RABGEF1: variants seen among roughly 807,000 people sequenced by gnomAD.
The protein encoded by RABGEF1 is RAB guanine nucleotide exchange factor 1, also known as rab5 GDP/GTP exchange factor.
In RABGEF1, 26 loss-of-function variants were observed where a neutral mutation model predicts 57.3. That is an observed-to-expected ratio of 0.45 (90% CI 0.33 to 0.63). The LOEUF (loss-of-function observed/expected upper bound fraction) is 0.63, where lower values mean the gene tolerates loss of function less well. Ranked by LOEUF, RABGEF1 falls within the 20% of genes least tolerant of loss-of-function variation. The pLI, the probability that RABGEF1 is intolerant of heterozygous loss-of-function variation, is 0.02. For synonymous variants in RABGEF1, 185 were observed against 210.7 expected (o/e 0.88, Z 1.06); for missense variants, 464 against 607.6 (o/e 0.76, Z 2.48).
Position 66,771,936 on chromosome 7 carries a change from G to C in RABGEF1, c.37G>C (p.Asp13His). 3 of 1,575,760 alleles carry C rather than the reference G, an allele frequency of 1.9e-6. No homozygotes were observed. The highest frequency in any genetic ancestry group is 2.6e-6 in the Non-Finnish European group (3 of 1,161,320). ...GTCTGAACGCCGAGGAATTCATGTG[G>C]ATCAATCGGATCTCCTGTGCAAGAA... ...LKSERRGIHV[D>H]QSDLLCKKGC... Residue 13 changes from aspartate (D) to histidine (H), a missense_variant, in exon 2 of 9, where the codon GAT becomes CAT. Asp to His is a moderately conservative substitution (Grantham distance 81, BLOSUM62 -1). This residue lies in a region of RABGEF1 where 17 missense variants were observed against 19.4 expected (regional missense o/e 0.88). Transcript: ENST00000284957.
intron 4 of RABGEF1, among the ~76,000 whole-genome samples, chr7:66,786,159 C>G (rs1442930128): frequency 6.6e-6 from 1 of 152,154 alleles, no homozygotes; most frequent in Non-Finnish European, 1.5e-5. Context: ...TTCTCCAAGC[C>G]CTGTATATGC....
chr7:66,760,765 G>A (rs1399418802), intron 1 of RABGEF1, among the ~76,000 whole-genome samples: 2 of 109,446 alleles, frequency 1.8e-5, no homozygotes, highest in Non-Finnish European at 4.2e-5. Context: ...TTAACATAAT[G>A]GCTAATACTC....
chr7:66,801,242 T>C (rs1398564316), intron 7 of RABGEF1, among the ~76,000 whole-genome samples: 8 of 152,158 alleles, frequency 5.3e-5, no homozygotes, highest in Admixed American at 5.2e-4. Context: ...TTCTGTTTTG[T>C]TTAATTTTTA....
At chr7:66,785,991 T>C (rs1172707427) in intron 4 of RABGEF1, among the ~76,000 whole-genome samples, 1 of 152,184 alleles carries the variant, frequency 6.6e-6, no homozygotes. Flanking sequence ...CTATGCAATA[T>C]GAAAATCCAT....
chr7:66,690,746 A>G (rs569937081), intron 1 of RABGEF1, among the ~76,000 whole-genome samples: 1 of 151,858 alleles, frequency 6.6e-6, no homozygotes, highest in Non-Finnish European at 1.5e-5. Flanking sequence ...TTAAATTTAC[A>G]AAAAGAGAAA....
At chr7:66,755,226 G>A (rs1290758265) in intron 1 of RABGEF1, among the ~76,000 whole-genome samples, 3 of 152,090 alleles carry the variant, frequency 2.0e-5, no homozygotes, top group African/African-American at 4.8e-5. Flanking sequence ...CTTGGGAGGC[G>A]GAGCTTGCAG....
At chr7:66,752,279 A>G (rs1458934886) in intron 1 of RABGEF1, among the ~76,000 whole-genome samples, 1 of 151,994 alleles carries the variant, frequency 6.6e-6, no homozygotes, top group Non-Finnish European at 1.5e-5. Context: ...GGATCACAAC[A>G]AGGTCAGGAG....
chr7:66,661,103 A>T, the RABGEF1 span, among the ~76,000 whole-genome samples: 1 of 151,948 alleles, frequency 6.6e-6, no homozygotes, highest in South Asian at 2.1e-4. Flanking sequence ...AGGTCAGGAG[A>T]TCGAGACCAC....
rs190294423 is a variant in RABGEF1, at chr7:66,692,707, C to T, written c.-873+10449C>T. On this transcript the variant is annotated intron_variant and NMD_transcript_variant, in intron 1 of 9. Transcript: ENST00000607882. ...ACCCGCCTCCCACCTAAAGCTCCCA[C>T]CCACCCCTCTCTGCAGCCAAGCACT... Among the ~76,000 whole-genome samples the T allele has an allele frequency of 2.7e-4, 41 of 150,784 alleles. No homozygotes were observed. The East Asian group carries it at 6.9e-3, about 25-fold the overall frequency.
chr7:66,797,607 C>A, intron 6 of RABGEF1, 101 bp downstream of exon 6: 1 of 1,293,950 alleles, frequency 7.7e-7, no homozygotes, highest in Non-Finnish European at 1.1e-6. Flanking sequence ...TAAGGGAAAG[C>A]AATAGCTCAT....
chr7:66,717,356 C>A (rs1236469784), intron 2 of RABGEF1, among the ~76,000 whole-genome samples: 2 of 152,164 alleles, frequency 1.3e-5, no homozygotes, highest in Admixed American at 6.5e-5. Context: ...ATATGTATTG[C>A]ATCTATAAAC....
the RABGEF1 span, among the ~76,000 whole-genome samples, chr7:66,673,377 C>T: frequency 5.8e-4 from 88 of 152,122 alleles, 1 homozygote; most frequent in African/African-American, 2.0e-3. Flanking sequence ...GGTCTAAATG[C>T]TTCTGCTGAA....
intron 1 of RABGEF1, among the ~76,000 whole-genome samples, chr7:66,694,767 G>C (rs1334666145): frequency 6.6e-6 from 1 of 152,192 alleles, no homozygotes; most frequent in Non-Finnish European, 1.5e-5. Context: ...GGGGAGGGCG[G>C]AGCCTCCGAT....
chr7:66,680,371 A>C (rs111262496), upstream of RABGEF1, among the ~76,000 whole-genome samples: 35,711 of 151,676 alleles, frequency 0.24, 4,372 homozygotes, highest in East Asian at 0.31. Flanking sequence ...CAACCTCCCA[A>C]GTAGCTGGGA....
At chr7:66,776,624 G>A (rs1427702083) in intron 3 of RABGEF1, among the ~76,000 whole-genome samples, 1 of 152,210 alleles carries the variant, frequency 6.6e-6, no homozygotes, top group Non-Finnish European at 1.5e-5. Flanking sequence ...GAATCTAGGA[G>A]GAGGAGGTTG....
chr7:66,720,191 ATTATTTT>A (rs1181954444), intron 2 of RABGEF1, among the ~76,000 whole-genome samples: 5 of 79,840 alleles, frequency 6.3e-5, no homozygotes, highest in African/African-American at 1.7e-4. Context: ...TATTATTATT[ATTATTTT>A]TTTTTTTTTT....
At chr7:66,788,187 C>G (rs1811675700) in intron 4 of RABGEF1, among the ~76,000 whole-genome samples, 1 of 152,210 alleles carries the variant, frequency 6.6e-6, no homozygotes, top group Non-Finnish European at 1.5e-5. Flanking sequence ...TTGCTCACAC[C>G]TGTAATCCCA....
intron 1 of RABGEF1, among the ~76,000 whole-genome samples, chr7:66,708,568 C>T (rs781278437): frequency 6.6e-6 from 1 of 152,140 alleles, no homozygotes; most frequent in Non-Finnish European, 1.5e-5. Context: ...GGATTACAGG[C>T]GTGAGCCACC....
At chr7:66,693,110 C>T (rs1791786350) in intron 1 of RABGEF1, among the ~76,000 whole-genome samples, 1 of 152,144 alleles carries the variant, frequency 6.6e-6, no homozygotes, top group Non-Finnish European at 1.5e-5. Flanking sequence ...CCTGAGCGGG[C>T]TTCTTCATGG....
Sources: gnomAD v4.1 joint callset for allele counts (sites outside exome capture counted in the v4.1 genomes callset) on GRCh38, gnomAD v4.1.1 for gene constraint, gnomAD v4.1.1 regional missense constraint, MANE v1.5 for transcripts, NCBI Gene and HGNC (gene_info 2026-07-23, HGNC 2026-07-21) for gene names.